The following KCNN2 variants were observed in gnomAD, a reference collection of about 807,000 sequenced individuals.
KCNN2 encodes small conductance calcium-activated potassium channel protein 2.
KCNN2 carries 24 observed loss-of-function variants against 55.5 expected under a neutral mutation model. The observed-to-expected ratio is 0.43, with a 90% CI of 0.31 to 0.61. The LOEUF (loss-of-function observed/expected upper bound fraction) is 0.61, where lower values mean the gene tolerates loss of function less well. KCNN2 is among the 20% of genes least tolerant of loss of function. The pLI, the probability that KCNN2 is intolerant of heterozygous loss-of-function variation, is 0.08. For synonymous variants in KCNN2, 431 were observed against 336.1 expected, an observed-to-expected ratio of 1.28 and a Z score of -3.09; for missense variants, 754 against 853.6, an observed-to-expected ratio of 0.88 and a Z score of 1.45.
At chr5:114,306,710 T>C (rs1000019751) in intron 2 of KCNN2, among the ~76,000 whole-genome samples, 2 of 148,286 alleles carry the variant, frequency 1.3e-5, no homozygotes, top group African/African-American at 5.0e-5. Context: ...CTTTTTTTTT[T>C]TTTTTTTTGA....
chr5:114,193,141 G>C (rs1422118946), intron 1 of KCNN2, among the ~76,000 whole-genome samples: 2 of 151,912 alleles, frequency 1.3e-5, no homozygotes, highest in African/African-American at 2.4e-5. Context: ...TTTATCTAGC[G>C]ACCCTATTTT....
chr5:114,162,009 G>A (rs1257089770), intron 1 of KCNN2, among the ~76,000 whole-genome samples: 1 of 152,212 alleles, frequency 6.6e-6, no homozygotes, highest in Admixed American at 6.5e-5. Context: ...GCTCATGAAA[G>A]TCATTCTCTG....
intron 2 of KCNN2, among the ~76,000 whole-genome samples, chr5:114,302,428 T>G (rs2150022882): frequency 6.6e-6 from 1 of 152,252 alleles, no homozygotes; most frequent in South Asian, 2.1e-4. Flanking sequence ...ACAAGGTATC[T>G]AATCATAAGG....
chr5:114,336,417 C>T (rs2150034933), intron 2 of KCNN2, among the ~76,000 whole-genome samples: 1 of 152,286 alleles, frequency 6.6e-6, no homozygotes, highest in Admixed American at 6.5e-5. Context: ...ACTAGAATAG[C>T]TAGAACATGA....
intron 1 of KCNN2, among the ~76,000 whole-genome samples, chr5:114,177,355 T>C (rs10073821): frequency 0.091 from 13,896 of 152,124 alleles, 803 homozygotes; most frequent in Non-Finnish European, 0.12. Context: ...GCCAGGATGG[T>C]CTCGATCTCC....
chr5:114,287,755 T>TAA (rs531949664), intron 2 of KCNN2, among the ~76,000 whole-genome samples: 65 of 143,770 alleles, frequency 4.5e-4, no homozygotes, highest in Admixed American at 1.5e-3. Context: ...AGAACTTAAA[T>TAA]AAAAAAAAAA....
intron 2 of KCNN2, among the ~76,000 whole-genome samples, chr5:114,295,607 C>T (rs1010980608): frequency 6.6e-5 from 10 of 152,160 alleles, no homozygotes; most frequent in Non-Finnish European, 1.5e-5. Context: ...TCTGTCACCC[C>T]TTTCTTTGAC....
intron 2 of KCNN2, 120 bp downstream of exon 2, chr5:114,364,121 A>T (rs993455720): frequency 1.4e-6 from 1 of 718,394 alleles, no homozygotes; most frequent in Admixed American, 2.2e-5. Flanking sequence ...CAGAAGACAC[A>T]TGCTGTATTG....
chr5:114,077,262 A>C (rs1750702358), intron 1 of KCNN2, among the ~76,000 whole-genome samples: 1 of 152,238 alleles, frequency 6.6e-6, no homozygotes, highest in South Asian at 2.1e-4. Context: ...AACTTACACC[A>C]GTATCAGTGG....
rs1032435389 is a variant in KCNN2 at position 114,362,312 on chromosome 5, C to G, written c.173C>G (p.Pro58Arg). The change falls in exon 1 of 8, where the codon CCG becomes CGG. Residue 58 changes from proline (P) to arginine (R), a missense_variant. This residue lies in a region of KCNN2 where 381 missense variants were observed against 259.1 expected (regional missense o/e 1.47). Transcript: ENST00000673685. ...HHHPHLAHQQPASGGSSPCLR... is the reference protein window; with the variant it reads ...HHHPHLAHQQRASGGSSPCLR... ...CACCCGCACCTCGCGCACCAGCAGC[C>G]GGCCAGCGGCGGCAGCAGCCCATGC... 2.3e-5 allele frequency: 4 copies of G among 177,628 alleles called. No homozygotes were observed. The highest frequency in any genetic ancestry group is 9.6e-5 in the African/African-American group (4 of 41,504). 11.0% of individuals were successfully genotyped at this position (177,628 alleles called of 1,614,324 possible).
intron 1 of KCNN2, among the ~76,000 whole-genome samples, chr5:114,174,794 A>G (rs1465402271): frequency 6.6e-6 from 1 of 152,132 alleles, no homozygotes; most frequent in Non-Finnish European, 1.5e-5. Flanking sequence ...TATCCTTGGG[A>G]TAATTTTGGC....
chr5:114,455,735 C>T (rs1760894598), intron 3 of KCNN2, among the ~76,000 whole-genome samples: 1 of 152,188 alleles, frequency 6.6e-6, no homozygotes, highest in Non-Finnish European at 1.5e-5. Flanking sequence ...CTCCAGTGAA[C>T]ACATGAATAA....
intron 2 of KCNN2, among the ~76,000 whole-genome samples, chr5:114,271,301 A>T (rs2150008238): frequency 6.6e-6 from 1 of 152,198 alleles, no homozygotes; most frequent in South Asian, 2.1e-4. Context: ...CAGAGTGCTG[A>T]TTGGTGCATT....
At chr5:114,131,873 T>A (rs749840930) in intron 1 of KCNN2, among the ~76,000 whole-genome samples, 3 of 152,264 alleles carry the variant, frequency 2.0e-5, no homozygotes, top group Non-Finnish European at 4.4e-5. Context: ...ATTTCTCTAA[T>A]GATCAGTGAA....
chr5:114,376,877 G>A (rs13183081), intron 2 of KCNN2, among the ~76,000 whole-genome samples: 59,690 of 151,812 alleles, frequency 0.39, 12,022 homozygotes, highest in African/African-American at 0.44. Flanking sequence ...GAAGGAAGCC[G>A]GGAATTGGAG....
chr5:114,363,809 T>A (rs1757523075), intron 1 of KCNN2, 97 bp from the exon 2 acceptor site: 1 of 807,676 alleles, frequency 1.2e-6, no homozygotes, highest in African/African-American at 1.7e-5. Context: ...TTCTGTGAGT[T>A]CAGGTCCACC....
At chr5:114,275,892 G>T (rs1213910855) in intron 2 of KCNN2, among the ~76,000 whole-genome samples, 4 of 151,896 alleles carry the variant, frequency 2.6e-5, no homozygotes, top group African/African-American at 9.7e-5. Flanking sequence ...GTTTGCTCTT[G>T]CTTCTCTAGG....
chr5:114,335,394 A>T (rs914447815), intron 2 of KCNN2, among the ~76,000 whole-genome samples: 1 of 152,148 alleles, frequency 6.6e-6, no homozygotes, highest in Non-Finnish European at 1.5e-5. Context: ...AAGGACGTAA[A>T]ATAATACTTA....
chr5:114,225,517 C>T (rs1754222644), intron 2 of KCNN2, among the ~76,000 whole-genome samples: 1 of 152,072 alleles, frequency 6.6e-6, no homozygotes, highest in African/African-American at 2.4e-5. Flanking sequence ...ACAAAAGACA[C>T]ATATATTTGT....
Sources: allele counts gnomAD v4.1 joint callset (sites outside exome capture counted in the v4.1 genomes callset), GRCh38; gene constraint gnomAD v4.1.1; regional missense constraint gnomAD v4.1.1; transcripts MANE v1.5; gene names NCBI Gene and HGNC (gene_info 2026-07-23, HGNC 2026-07-21).